Variants in TNPO1 observed in about 807,000 individuals in gnomAD.
TNPO1 encodes transportin 1.
TNPO1 carries 8 observed loss-of-function variants against 119.5 expected under a neutral mutation model. That is an observed-to-expected ratio of 0.07 (90% CI 0.04 to 0.12). TNPO1 has a LOEUF of 0.12. Among genes scored for constraint, TNPO1 ranks in the 10% least tolerant of loss-of-function variants. The probability of loss-of-function intolerance (pLI) is 1.00; values close to 1 mark genes in which losing one functional copy is unlikely to be tolerated. For synonymous variants in TNPO1, 362 were observed against 363.0 expected (o/e 1.00, Z 0.03); for missense variants, 576 against 1,089.8 (o/e 0.53, Z 6.64).
In TNPO1 at chr5:72,848,373, C is replaced by G. The variant is rs760851960; in HGVS notation, c.16-12C>G. ...TTGCTCCGTCTCTTCCTGTGTCTGG[C>G]TTTATTTGCAGCAAACCAAGATGGA... On this transcript the variant is annotated splice_polypyrimidine_tract_variant and intron_variant, in intron 1 of 24. Coordinates refer to ENST00000337273, the MANE Select transcript of TNPO1 (RefSeq NM_002270.4). The G allele has an allele frequency of 6.2e-7, 1 of 1,608,962 alleles. No individual in the cohort carries two copies. The highest frequency in any genetic ancestry group is 8.5e-7 in the Non-Finnish European group (1 of 1,177,172).
At chr5:72,848,838 G>A (rs1332107762) in intron 2 of TNPO1, among the ~76,000 whole-genome samples, 1 of 150,374 alleles carries the variant, frequency 6.7e-6, no homozygotes, top group East Asian at 2.0e-4. Context: ...CCGCTGACCT[G>A]CCGCGGGGGT....
chr5:72,889,989 T>C, intron 14 of TNPO1, 32 bp downstream of exon 14: 1 of 1,599,336 alleles, frequency 6.3e-7, no homozygotes, highest in Non-Finnish European at 8.5e-7. Context: ...TTAGGGAAAA[T>C]AATGTGTAGC....
intron 8 of TNPO1, among the ~76,000 whole-genome samples, chr5:72,876,849 C>T (rs911207957): frequency 4.6e-5 from 7 of 152,052 alleles, no homozygotes; most frequent in Non-Finnish European, 8.8e-5. Context: ...AATCCCAACA[C>T]TTTGGGAGGC....
chr5:72,856,268 G>C (rs531781266), intron 4 of TNPO1, among the ~76,000 whole-genome samples: 1 of 152,170 alleles, frequency 6.6e-6, no homozygotes, highest in African/African-American at 2.4e-5. Flanking sequence ...AGCAGTCTCT[G>C]TTGCCCAGGC....
chr5:72,899,142 A>G (rs767801086), intron 20 of TNPO1, among the ~76,000 whole-genome samples: 4 of 152,220 alleles, frequency 2.6e-5, no homozygotes, highest in Admixed American at 6.5e-5. Context: ...TGTAATTAGT[A>G]TAATGTATTA....
At chr5:72,834,725 A>G (rs1005912687) in intron 1 of TNPO1, among the ~76,000 whole-genome samples, 2 of 152,218 alleles carry the variant, frequency 1.3e-5, no homozygotes, top group Non-Finnish European at 2.9e-5. Flanking sequence ...TTGTTGTTTA[A>G]GTACAGTAGT....
At chr5:72,883,825 C>A (rs1173181822) in intron 11 of TNPO1, among the ~76,000 whole-genome samples, 1 of 152,258 alleles carries the variant, frequency 6.6e-6, no homozygotes, top group Admixed American at 6.5e-5. Context: ...CCCACCGCAG[C>A]CTTGACCTCC....
chr5:72,900,416 TAC>T (rs1749723272), intron 21 of TNPO1, among the ~76,000 whole-genome samples: 1 of 152,236 alleles, frequency 6.6e-6, no homozygotes, highest in African/African-American at 2.4e-5. Flanking sequence ...GTTTTTGCAT[TAC>T]GTTTCTTTTT....
chr5:72,829,222 G>A (rs1219856122), intron 1 of TNPO1, among the ~76,000 whole-genome samples: 1 of 152,176 alleles, frequency 6.6e-6, no homozygotes, highest in East Asian at 1.9e-4. Context: ...TTCAGAATAG[G>A]CATTAGAATG....
intron 18 of TNPO1, among the ~76,000 whole-genome samples, chr5:72,895,590 A>G (rs755087705): frequency 5.9e-5 from 9 of 152,120 alleles, no homozygotes; most frequent in South Asian, 2.1e-4. Flanking sequence ...CAAACTGTCA[A>G]TATTGCTGAG....
intron 9 of TNPO1, chr5:72,878,715 T>C (rs775628859): frequency 4.4e-6 from 1 of 227,496 alleles, no homozygotes. Context: ...CTTTTCTCTT[T>C]ACTTTGTAAT....
intron 7 of TNPO1, among the ~76,000 whole-genome samples, chr5:72,875,084 A>C (rs1224757102): frequency 6.6e-6 from 1 of 152,270 alleles, no homozygotes; most frequent in Non-Finnish European, 1.5e-5. Flanking sequence ...TTGAAGATAA[A>C]ATAGTCTGTT....
intron 22 of TNPO1, among the ~76,000 whole-genome samples, chr5:72,903,242 C>G (rs1749917433): frequency 6.6e-6 from 1 of 152,056 alleles, no homozygotes. Context: ...TAAGTTATGT[C>G]TGAAAATGGA....
chr5:72,889,714 A>T, intron 13 of TNPO1, 72 bp from the exon 14 acceptor site: 1 of 1,479,284 alleles, frequency 6.8e-7, no homozygotes, highest in Non-Finnish European at 9.0e-7. Context: ...AACAGAACAT[A>T]AACATTTTAG....
chr5:72,839,189 C>T (rs1444899204), intron 1 of TNPO1, among the ~76,000 whole-genome samples: 1 of 152,118 alleles, frequency 6.6e-6, no homozygotes, highest in African/African-American at 2.4e-5. Flanking sequence ...TAGTAAAGCA[C>T]ATTAATAAAT....
chr5:72,847,948 T>G (rs916513643), intron 1 of TNPO1, among the ~76,000 whole-genome samples: 2 of 152,198 alleles, frequency 1.3e-5, no homozygotes, highest in African/African-American at 2.4e-5. Flanking sequence ...CCAAAACAGA[T>G]CTCTTCAGGT....
At chr5:72,876,464 T>C (rs1747781627) in intron 8 of TNPO1, among the ~76,000 whole-genome samples, 1 of 152,226 alleles carries the variant, frequency 6.6e-6, no homozygotes, top group Non-Finnish European at 1.5e-5. Context: ...CAAATTATAT[T>C]CGCACTAAGA....
At chr5:72,870,159 T>C (rs1747273697) in intron 6 of TNPO1, among the ~76,000 whole-genome samples, 2 of 7,634 alleles carry the variant, frequency 2.6e-4, no homozygotes, top group South Asian at 5.1e-3. Flanking sequence ...TACTAATTGC[T>C]TTTTTTTTTT....
chr5:72,855,022 A>T (rs1745874063), intron 3 of TNPO1, among the ~76,000 whole-genome samples: 1 of 151,264 alleles, frequency 6.6e-6, no homozygotes. Context: ...AGACAGTCTC[A>T]CTCTGTCGCC....
Sources: gnomAD v4.1 joint callset for allele counts (sites outside exome capture counted in the v4.1 genomes callset) on GRCh38, gnomAD v4.1.1 for gene constraint, MANE v1.5 for transcripts, NCBI Gene and HGNC (gene_info 2026-07-23, HGNC 2026-07-21) for gene names.